Variants in ZFAND3 observed in about 807,000 individuals in gnomAD.
The protein encoded by ZFAND3 is AN1-type zinc finger protein 3.
Under a neutral mutation model 29.6 loss-of-function variants are expected in ZFAND3, and 10 were observed. The observed-to-expected ratio is 0.34, with a 90% CI of 0.21 to 0.57. ZFAND3 has a LOEUF of 0.57. Ranked by LOEUF, ZFAND3 falls within the 20% of genes least tolerant of loss-of-function variation. The pLI is 0.86. For missense variants in ZFAND3, 230 were observed against 304.5 expected, an observed-to-expected ratio of 0.76 and a Z score of 1.82; for synonymous variants, 128 against 112.6, an observed-to-expected ratio of 1.14 and a Z score of -0.87.
At chr6:37,985,786 A>G (rs920639567) in intron 2 of ZFAND3, among the ~76,000 whole-genome samples, 1 of 152,228 alleles carries the variant, frequency 6.6e-6, no homozygotes, top group Non-Finnish European at 1.5e-5. Context: ...AGAGGAATAG[A>G]TAAAGGAGAA....
intron 2 of ZFAND3, chr6:38,003,913 C>T (rs1762996458): frequency 3.1e-6 from 1 of 325,306 alleles, no homozygotes; most frequent in South Asian, 2.2e-5. Flanking sequence ...GCTGCCATCA[C>T]CTTCTGTCGT....
chr6:37,856,064 G>T (rs1255543210), intron 1 of ZFAND3, among the ~76,000 whole-genome samples: 1 of 149,790 alleles, frequency 6.7e-6, no homozygotes, highest in Non-Finnish European at 1.5e-5. Flanking sequence ...TCACTGTGTC[G>T]CCCAGGCTGG....
At chr6:38,033,199 G>A (rs1160334787) in intron 2 of ZFAND3, among the ~76,000 whole-genome samples, 4 of 152,080 alleles carry the variant, frequency 2.6e-5, no homozygotes, top group Non-Finnish European at 5.9e-5. Flanking sequence ...GATCAGAAAG[G>A]GGTTGGATTT....
chr6:38,047,172 C>T (rs1024816801), intron 2 of ZFAND3, among the ~76,000 whole-genome samples: 3 of 151,840 alleles, frequency 2.0e-5, no homozygotes, highest in Non-Finnish European at 2.9e-5. Context: ...CGAAAATTAG[C>T]TGAGTGGTGG....
intron 5 of ZFAND3, among the ~76,000 whole-genome samples, chr6:38,117,886 T>A (rs1176641951): frequency 2.0e-5 from 3 of 152,216 alleles, no homozygotes; most frequent in African/African-American, 7.2e-5. Flanking sequence ...GAGAGGTTAT[T>A]AGCTTTTCAT....
intron 1 of ZFAND3, among the ~76,000 whole-genome samples, chr6:37,839,560 G>A (rs1195196317): frequency 2.0e-5 from 3 of 148,986 alleles, no homozygotes; most frequent in African/African-American, 7.5e-5. Flanking sequence ...CTGTCGCCAG[G>A]CTGGAGTGCA....
In ZFAND3 at chr6:38,006,831, C is replaced by T. The variant is rs114931803; in HGVS notation, c.113-54762C>T. Among the ~76,000 whole-genome samples, 808 of 151,996 alleles carry T rather than the reference C, an allele frequency of 5.3e-3. 4 individuals are homozygous for T. The highest frequency in any genetic ancestry group is 0.024 in the Middle Eastern group (7 of 292). ...GCCCCTCTTCCAGTCCAGACTCATC[C>T]GAGAGGATCAGCACAATTCCATTAG... On this transcript the variant is annotated intron_variant, in intron 2 of 5. Transcript: ENST00000287218.
At chr6:38,069,464 C>A (rs1462925884) in intron 3 of ZFAND3, among the ~76,000 whole-genome samples, 1 of 152,106 alleles carries the variant, frequency 6.6e-6, no homozygotes, top group Admixed American at 6.5e-5. Flanking sequence ...AAGATTCTTT[C>A]CCATAATGAA....
chr6:37,994,144 TTC>T (rs1458675650), intron 2 of ZFAND3, among the ~76,000 whole-genome samples: 2 of 148,914 alleles, frequency 1.3e-5, no homozygotes, highest in African/African-American at 4.9e-5. Context: ...GTGTTTTGGC[TTC>T]TGTTACAAAA....
chr6:38,006,918 C>G (rs1470648784), intron 2 of ZFAND3, among the ~76,000 whole-genome samples: 1 of 152,084 alleles, frequency 6.6e-6, no homozygotes, highest in East Asian at 1.9e-4. Context: ...ACAAGTGGTT[C>G]CAAGTGCTCC....
chr6:38,034,217 C>G (rs1763615538), intron 2 of ZFAND3, among the ~76,000 whole-genome samples: 1 of 152,154 alleles, frequency 6.6e-6, no homozygotes, highest in African/African-American at 2.4e-5. Context: ...GCAAACTAGT[C>G]TCTTCCTTTT....
chr6:37,834,991 A>G (rs1046336710), intron 1 of ZFAND3, among the ~76,000 whole-genome samples: 1 of 152,112 alleles, frequency 6.6e-6, no homozygotes, highest in Non-Finnish European at 1.5e-5. Flanking sequence ...TTTTGGTTGT[A>G]TAAAGTTATT....
chr6:37,842,482 TAA>T (rs747090228), intron 1 of ZFAND3, among the ~76,000 whole-genome samples: 2 of 152,218 alleles, frequency 1.3e-5, no homozygotes, highest in Admixed American at 6.5e-5. Flanking sequence ...GTTGTATGAA[TAA>T]GTTTGTTCAT....
At chr6:37,952,785 G>T (rs1473658476) in intron 2 of ZFAND3, among the ~76,000 whole-genome samples, 1 of 151,788 alleles carries the variant, frequency 6.6e-6, no homozygotes, top group African/African-American at 2.4e-5. Context: ...GTGCTCAGCA[G>T]CCCCATGCAG....
chr6:38,014,938 A>C (rs985414300), intron 2 of ZFAND3, among the ~76,000 whole-genome samples: 2 of 152,222 alleles, frequency 1.3e-5, no homozygotes, highest in African/African-American at 4.8e-5. Flanking sequence ...CAGTTCTGCA[A>C]ATTTAGAAAA....
At chr6:38,085,134 GCTGGAATGTT>G (rs1764732220) in intron 4 of ZFAND3, among the ~76,000 whole-genome samples, 1 of 152,152 alleles carries the variant, frequency 6.6e-6, no homozygotes. Context: ...TTGTTATTTT[GCTGGAATGTT>G]CTTTGTAGCC....
At chr6:38,147,104 C>T (rs1054731293) in intron 5 of ZFAND3, among the ~76,000 whole-genome samples, 59 of 152,310 alleles carry the variant, frequency 3.9e-4, no homozygotes, top group Middle Eastern at 3.4e-3. Flanking sequence ...TTCTATCTTA[C>T]TATGTGTTTA....
At chr6:37,824,625 A>G (rs2127364545) in intron 1 of ZFAND3, among the ~76,000 whole-genome samples, 2 of 152,340 alleles carry the variant, frequency 1.3e-5, no homozygotes, top group East Asian at 3.8e-4. Flanking sequence ...CGTACTAGAC[A>G]TAAATGTTCA....
chr6:37,999,920 G>A (rs1762915204), intron 2 of ZFAND3, among the ~76,000 whole-genome samples: 1 of 152,034 alleles, frequency 6.6e-6, no homozygotes, highest in Admixed American at 6.5e-5. Flanking sequence ...AGGAGAAATT[G>A]GCTCCTGAGT....
Sources: allele counts gnomAD v4.1 joint callset (sites outside exome capture counted in the v4.1 genomes callset), GRCh38; gene constraint gnomAD v4.1.1; transcripts MANE v1.5; gene names NCBI Gene and HGNC (gene_info 2026-07-23, HGNC 2026-07-21).